The following SNX27 variants were observed in gnomAD, a reference collection of about 807,000 sequenced individuals.
SNX27 encodes sorting nexin 27.
A neutral mutation model predicts 71.6 loss-of-function variants in SNX27; 22 were observed. The ratio of observed to expected loss-of-function variants is 0.31; its 90% confidence interval spans 0.22 to 0.44. The LOEUF (loss-of-function observed/expected upper bound fraction) is 0.44. Ranked by LOEUF, SNX27 falls within the 20% of genes least tolerant of loss-of-function variation. The pLI, the probability that SNX27 is intolerant of heterozygous loss-of-function variation, is 1.00. For synonymous variants in SNX27, 269 were observed against 277.2 expected (o/e 0.97, Z 0.29); for missense variants, 531 against 698.6 (o/e 0.76, Z 2.70).
intron 10 of SNX27, 132 bp downstream of exon 10, chr1:151,693,171 GC>G: frequency 7.5e-7 from 1 of 1,327,948 alleles, no homozygotes; most frequent in East Asian, 2.3e-5. Flanking sequence ...GAATCCTGGA[GC>G]CCCCAGATTC....
chr1:151,666,042 T>C, intron 6 of SNX27, 31 bp downstream of exon 6: 1 of 1,556,600 alleles, frequency 6.4e-7, no homozygotes, highest in Non-Finnish European at 8.8e-7. Context: ...CTAAGTTTTG[T>C]TTTCTAATAC....
At chr1:151,630,053 G>A (rs1668147378) in intron 1 of SNX27, among the ~76,000 whole-genome samples, 1 of 151,366 alleles carries the variant, frequency 6.6e-6, no homozygotes, top group Non-Finnish European at 1.5e-5. Context: ...GAAGGTTGTA[G>A]TGAGCCGAGA....
At chr1:151,658,941 C>A (rs1558058567) in intron 3 of SNX27, among the ~76,000 whole-genome samples, 1 of 152,130 alleles carries the variant, frequency 6.6e-6, no homozygotes, top group Non-Finnish European at 1.5e-5. Context: ...ACCTCGGCCT[C>A]CCAAAGTGCT....
At position 151,696,192 on chromosome 1, in the gene SNX27, A is replaced by G. The variant is rs1308368297; in HGVS notation, c.*1775A>G. ...ATCCCAGGATCAGAAGCCAGGGCTA[A>G]TTGGGGTAGGACAATATTCCCAGCC... On this transcript the variant is annotated 3_prime_UTR_variant, in exon 12 of 12. Coordinates refer to ENST00000458013, the MANE Select transcript of SNX27 (RefSeq NM_001330723.2). The G allele has an allele frequency of 6.6e-6, 1 of 152,254 alleles. No individual in the cohort carries two copies. Among genetic ancestry groups the G allele is most frequent in the Admixed American group, 6.5e-5 (1 of 15,286 alleles). The allele number at this position is 152,254 out of a possible 1,614,324, so 9.4% of individuals were successfully genotyped here.
At chr1:151,668,175 G>A (rs909077378) in intron 6 of SNX27, among the ~76,000 whole-genome samples, 3 of 152,112 alleles carry the variant, frequency 2.0e-5, no homozygotes, top group Non-Finnish European at 2.9e-5. Context: ...TAACATTGGG[G>A]ATCAAATTTC....
At chr1:151,614,612 G>C (rs1463624959) in intron 1 of SNX27, 1 of 152,156 alleles carries the variant, frequency 6.6e-6, no homozygotes, top group Non-Finnish European at 1.5e-5. Flanking sequence ...ATGACTTTCA[G>C]ATTTCTTATA....
At chr1:151,617,130 A>G (rs936067499) in intron 1 of SNX27, among the ~76,000 whole-genome samples, 1 of 152,230 alleles carries the variant, frequency 6.6e-6, no homozygotes, top group Non-Finnish European at 1.5e-5. Flanking sequence ...CTGATCGTCT[A>G]TACTTTATTT....
chr1:151,683,445 G>C lies in SNX27; in HGVS notation c.1239G>C (p.Met413Ile). The C allele has an allele frequency of 3.1e-6, 5 of 1,611,406 alleles. No homozygotes were observed. Among genetic ancestry groups the C allele is most frequent in the Non-Finnish European group, 4.2e-6 (5 of 1,178,382 alleles). The change falls in exon 8 of 12, where the codon ATG becomes ATC. Residue 413 changes from methionine (M) to isoleucine (I), a missense_variant and splice_region_variant. Transcript: ENST00000458013. Reference protein sequence around the residue: ...QKLYEQRKMVMYLNMLRTCEG... With the variant: ...QKLYEQRKMVIYLNMLRTCEG... Reference sequence around the variant, plus strand: ...TATACGAACAAAGAAAAATGGTCATGGTAAGTTTATGTCCCCATAATCCCT... The same window carrying C: ...TATACGAACAAAGAAAAATGGTCATCGTAAGTTTATGTCCCCATAATCCCT...
chr1:151,646,435 C>T (rs1205614510), intron 2 of SNX27, among the ~76,000 whole-genome samples: 1 of 151,458 alleles, frequency 6.6e-6, no homozygotes, highest in Admixed American at 6.6e-5. Flanking sequence ...TTCCTCATTT[C>T]CTGCCTTCTT....
intron 1 of SNX27, among the ~76,000 whole-genome samples, chr1:151,615,480 G>C (rs1236259193): frequency 6.6e-6 from 1 of 151,940 alleles, no homozygotes; most frequent in Non-Finnish European, 1.5e-5. Flanking sequence ...TACTTGTCTC[G>C]ATCTTGGTTA....
intron 2 of SNX27, among the ~76,000 whole-genome samples, chr1:151,657,925 C>T (rs995032501): frequency 1.3e-5 from 2 of 151,890 alleles, no homozygotes; most frequent in East Asian, 1.9e-4. Flanking sequence ...TGCTTGAACC[C>T]GGGAGGCGGA....
intron 8 of SNX27, among the ~76,000 whole-genome samples, chr1:151,690,418 G>A (rs1006428898): frequency 1.3e-5 from 2 of 152,008 alleles, no homozygotes; most frequent in Non-Finnish European, 2.9e-5. Flanking sequence ...TTATGGCTGA[G>A]TACTATGTTA....
chr1:151,694,037 TA>T (rs1169914396), intron 11 of SNX27: 1 of 1,216,040 alleles, frequency 8.2e-7, no homozygotes, highest in African/African-American at 1.5e-5. Flanking sequence ...TGAAAATTTA[TA>T]TTTTAGTACA....
rs71580395 is a variant in SNX27, at chr1:151,667,247, CAA to C, written c.986-1214_986-1213del. Reference sequence around the variant, plus strand: ...CTGGGCAACAAGTGAGACCCTGTCTCAAAAAAAAAAAAGGAAAGAAAAGAAAA... The same window carrying C: ...CTGGGCAACAAGTGAGACCCTGTCTCAAAAAAAAAAGGAAAGAAAAGAAAA... On this transcript the variant is annotated intron_variant, in intron 6 of 11. Transcript: ENST00000458013. 5 of 88,472 alleles carry C rather than the reference CAA, an allele frequency of 5.7e-5. No individual in the cohort carries two copies. In the East Asian group the frequency reaches 1.8e-3, roughly 31 times the overall value. 5.5% of individuals were successfully genotyped at this position (88,472 alleles called of 1,614,324 possible).
Position 151,612,301 on chromosome 1 carries a change from G to C in SNX27, c.100G>C (p.Gly34Arg). 6.6e-7 allele frequency: 1 copy of C among 1,517,114 alleles called. No homozygotes were observed. The allele number at this position is 1,517,114 out of a possible 1,614,324, so 94.0% of individuals were successfully genotyped here. The change falls in exon 1 of 12, where the codon GGC becomes CGC. Residue 34 changes from glycine to arginine, a missense_variant. Around this residue, in one of 5 missense-constraint regions of SNX27, gnomAD observed 130 missense variants for 143.5 expected, o/e 0.91. Coordinates refer to ENST00000458013, the MANE Select transcript of SNX27 (RefSeq NM_001330723.2). This position sits in a 1 kb window ranked among gnomAD's most constrained non-coding sequence, Gnocchi z 5.2. ...GTCTGGGCTCCACTGCGCCGGGAAC[G>C]GCGGCGGGGGAGGCGGCGGCCCGCG... Reference protein sequence around the residue: ...GGSGLHCAGNGGGGGGGPRVV... With the variant: ...GGSGLHCAGNRGGGGGGPRVV...
chr1:151,688,625 C>CT (rs1003874214), intron 8 of SNX27, among the ~76,000 whole-genome samples: 1 of 119,166 alleles, frequency 8.4e-6, no homozygotes, highest in Admixed American at 8.9e-5. Context: ...GAGTGAGACT[C>CT]TGTCTCAAAA....
At chr1:151,661,273 C>G (rs1229432240) in intron 4 of SNX27, 1 of 173,654 alleles carries the variant, frequency 5.8e-6, no homozygotes, top group Non-Finnish European at 1.3e-5. Flanking sequence ...TTCCCAGTGC[C>G]TTACCACAGC....
rs1019045886 is a variant in SNX27 at position 151,693,082 on chromosome 1, T to C, written c.1518+43T>C. 4.4e-6 allele frequency: 7 copies of C among 1,593,040 alleles called. No individual in the cohort carries two copies. In the African/African-American group the frequency reaches 8.3e-5, roughly 19 times the overall value. On this transcript the variant is annotated intron_variant, in intron 10 of 11. Coordinates refer to ENST00000458013, the MANE Select transcript of SNX27 (RefSeq NM_001330723.2). ...AAAGTAACTGGGACTTAGTTTGTTT[T>C]TTTGTTTTTTTTTTCAGCTAAATGC...
At position 151,638,985 on chromosome 1, in the gene SNX27, C is replaced by T; in HGVS notation, c.409C>T (p.Pro137Ser). ...GATCTTGACAGTGTTATCTGTACCT[C>T]CTCATGAGGCAGATAACCTAGATCC... ...ELILTVLSVP[P>S]HEADNLDPSD... Residue 137 changes from proline to serine, a missense_variant, in exon 2 of 12, where the codon CCT becomes TCT. Physicochemically the swap from Pro to Ser is moderately conservative, Grantham distance 74 (BLOSUM62 -1). Around this residue, in one of 5 missense-constraint regions of SNX27, gnomAD observed 47 missense variants for 41.4 expected, o/e 1.13. Coordinates refer to ENST00000458013, the MANE Select transcript of SNX27 (RefSeq NM_001330723.2). 2 of 1,614,092 alleles carry T rather than the reference C, an allele frequency of 1.2e-6. No homozygotes were observed. Among genetic ancestry groups the T allele is most frequent in the Non-Finnish European group, 1.7e-6 (2 of 1,179,976 alleles).
Sources: gnomAD v4.1 joint callset for allele counts (sites outside exome capture counted in the v4.1 genomes callset) on GRCh38, gnomAD v4.1.1 for gene constraint, gnomAD v4.1.1 regional missense constraint, Gnocchi (gnomAD v3.1) non-coding constraint, MANE v1.5 for transcripts, NCBI Gene and HGNC (gene_info 2026-07-23, HGNC 2026-07-21) for gene names.